The following FAM171A1 variants were observed in gnomAD, a reference collection of about 807,000 sequenced individuals.
FAM171A1 encodes family with sequence similarity 171 member A1, also known as protein FAM171A1.
A neutral mutation model predicts 74.9 loss-of-function variants in FAM171A1; 23 were observed. The observed-to-expected ratio is 0.31, with a 90% CI of 0.22 to 0.44. The LOEUF (loss-of-function observed/expected upper bound fraction) is 0.44, where lower values mean the gene tolerates loss of function less well. Ranked by LOEUF, FAM171A1 falls within the 20% of genes least tolerant of loss-of-function variation. The probability of loss-of-function intolerance (pLI) is 1.00; values close to 1 mark genes in which losing one functional copy is unlikely to be tolerated. For synonymous variants in FAM171A1, 527 were observed against 505.7 expected (o/e 1.04, Z -0.57); for missense variants, 1,162 against 1,159.2 (o/e 1.00, Z -0.03).
At chr10:15,219,574 C>T (rs1175519163) in intron 6 of FAM171A1, among the ~76,000 whole-genome samples, 1 of 152,072 alleles carries the variant, frequency 6.6e-6, no homozygotes, top group Non-Finnish European at 1.5e-5. Context: ...TCAAGGGAAA[C>T]ACATTAATCT....
At chr10:15,299,494 TTTG>T (rs1835202567) in intron 1 of FAM171A1, among the ~76,000 whole-genome samples, 1 of 129,982 alleles carries the variant, frequency 7.7e-6, no homozygotes, top group East Asian at 5.1e-4. Context: ...TTTTGTTTTT[TTTG>T]TTTTTTTGTC....
At chr10:15,306,290 A>G (rs969913042) in intron 1 of FAM171A1, among the ~76,000 whole-genome samples, 5 of 152,182 alleles carry the variant, frequency 3.3e-5, no homozygotes, top group African/African-American at 1.2e-4. Flanking sequence ...AAATATTTAA[A>G]TTGTGCAGAG....
chr10:15,269,737 T>A (rs1378953106), intron 3 of FAM171A1, among the ~76,000 whole-genome samples: 3 of 152,158 alleles, frequency 2.0e-5, no homozygotes, highest in East Asian at 3.9e-4. Context: ...ATGCTCTCCA[T>A]TGGAGAGGAA....
chr10:15,316,278 TAG>T (rs1242364216), intron 1 of FAM171A1, among the ~76,000 whole-genome samples: 2 of 152,232 alleles, frequency 1.3e-5, no homozygotes, highest in East Asian at 1.9e-4. Context: ...ATTTTCTGTT[TAG>T]AGTGTCAGGC....
intron 1 of FAM171A1, among the ~76,000 whole-genome samples, chr10:15,364,511 T>G (rs1389553365): frequency 6.6e-6 from 1 of 152,184 alleles, no homozygotes; most frequent in Non-Finnish European, 1.5e-5. Context: ...TGCACCACCA[T>G]CCTGTGTGGG....
At chr10:15,278,546 A>G (rs558006602) in intron 2 of FAM171A1, among the ~76,000 whole-genome samples, 161 of 152,356 alleles carry the variant, frequency 1.1e-3, no homozygotes, top group African/African-American at 3.6e-3. Flanking sequence ...GGTATTGTCT[A>G]TATGAGGGAA....
intron 1 of FAM171A1, among the ~76,000 whole-genome samples, chr10:15,322,773 C>G (rs1222573844): frequency 6.6e-6 from 1 of 152,202 alleles, no homozygotes; most frequent in African/African-American, 2.4e-5. Context: ...CCAGAATGGA[C>G]TTATCTTCAT....
chr10:15,217,397 T>C (rs1833980276), intron 6 of FAM171A1, among the ~76,000 whole-genome samples: 1 of 152,244 alleles, frequency 6.6e-6, no homozygotes, highest in African/African-American at 2.4e-5. Context: ...TTTTGATTTT[T>C]GACATTCTAA....
At chr10:15,352,421 G>A (rs1437216869) in intron 1 of FAM171A1, among the ~76,000 whole-genome samples, 3 of 152,142 alleles carry the variant, frequency 2.0e-5, no homozygotes, top group Non-Finnish European at 4.4e-5. Context: ...TCTAATGAGT[G>A]CACATAAAAA....
chr10:15,300,023 G>A (rs963254493), intron 1 of FAM171A1, among the ~76,000 whole-genome samples: 3 of 152,112 alleles, frequency 2.0e-5, no homozygotes, highest in Admixed American at 6.6e-5. Context: ...GGGCTTGCTG[G>A]AAAACTATGG....
intron 4 of FAM171A1, among the ~76,000 whole-genome samples, chr10:15,253,699 T>C (rs1383909580): frequency 6.6e-6 from 1 of 152,248 alleles, no homozygotes. Context: ...TGCAGTGAGT[T>C]ACTCTCCTAG....
chr10:15,324,405 A>C (rs936977889), intron 1 of FAM171A1, among the ~76,000 whole-genome samples: 2 of 152,208 alleles, frequency 1.3e-5, no homozygotes, highest in Non-Finnish European at 2.9e-5. Context: ...TCTTTGGAGG[A>C]AACATTCTTT....
chr10:15,365,772 A>AG (rs1019304243), intron 1 of FAM171A1, among the ~76,000 whole-genome samples: 5 of 151,130 alleles, frequency 3.3e-5, no homozygotes, highest in Non-Finnish European at 7.4e-5. Flanking sequence ...TCTGTTAAAA[A>AG]AAAAAAAAGA....
At chr10:15,291,782 T>C (rs543380072) in intron 1 of FAM171A1, among the ~76,000 whole-genome samples, 1 of 152,108 alleles carries the variant, frequency 6.6e-6, no homozygotes, top group Non-Finnish European at 1.5e-5. Context: ...CCAGGTACGG[T>C]GAACGTGCTC....
At chr10:15,292,607 T>C (rs888320952) in intron 1 of FAM171A1, among the ~76,000 whole-genome samples, 2 of 152,068 alleles carry the variant, frequency 1.3e-5, no homozygotes, top group African/African-American at 4.8e-5. Context: ...CAGCCTCCCA[T>C]GTAGGTGGGA....
At chr10:15,332,112 C>G (rs1210722624) in intron 1 of FAM171A1, among the ~76,000 whole-genome samples, 1 of 151,412 alleles carries the variant, frequency 6.6e-6, no homozygotes, top group Non-Finnish European at 1.5e-5. Context: ...ACCACCATGC[C>G]CAGCTAATTT....
intron 3 of FAM171A1, among the ~76,000 whole-genome samples, chr10:15,263,339 T>A (rs1834686628): frequency 6.6e-6 from 1 of 152,164 alleles, no homozygotes; most frequent in Admixed American, 6.5e-5. Flanking sequence ...AATCTGGGAT[T>A]TAATTTATGG....
At chr10:15,330,579 A>G (rs777348377) in intron 1 of FAM171A1, among the ~76,000 whole-genome samples, 8 of 152,152 alleles carry the variant, frequency 5.3e-5, no homozygotes, top group Non-Finnish European at 8.8e-5. Context: ...AAAGCTGTTC[A>G]GTTTATTTCT....
chr10:15,241,348 CA>C (rs1159625555), intron 5 of FAM171A1: 1 of 152,118 alleles, frequency 6.6e-6, no homozygotes, highest in Non-Finnish European at 1.5e-5. Flanking sequence ...GCATTTAGAC[CA>C]GAGGTCACAA....
Sources: allele counts gnomAD v4.1 joint callset (sites outside exome capture counted in the v4.1 genomes callset), GRCh38; gene constraint gnomAD v4.1.1; transcripts MANE v1.5; gene names NCBI Gene and HGNC (gene_info 2026-07-23, HGNC 2026-07-21).